The following CASD1 variants were observed in gnomAD, a reference collection of about 807,000 sequenced individuals.
The protein encoded by CASD1 is N-acetylneuraminate (7)9-O-acetyltransferase.
Under a neutral mutation model 100.0 loss-of-function variants are expected in CASD1, and 41 were observed. That is an observed-to-expected ratio of 0.41 (90% CI 0.32 to 0.53). The LOEUF (loss-of-function observed/expected upper bound fraction) is 0.53, where lower values mean the gene tolerates loss of function less well. Among genes scored for constraint, CASD1 ranks in the 20% least tolerant of loss-of-function variants. The pLI is 0.25. For missense variants in CASD1, 774 were observed against 948.7 expected (o/e 0.82, Z 2.42); for synonymous variants, 321 against 315.6 (o/e 1.02, Z -0.18).
chr7:94,575,135 TGTTAA>T, the CASD1 span, among the ~76,000 whole-genome samples: 1 of 152,232 alleles, frequency 6.6e-6, no homozygotes, highest in Admixed American at 6.5e-5. Flanking sequence ...TCAGTTGTCA[TGTTAA>T]GTTGTTAATT....
the CASD1 span, chr7:94,617,977 T>G: frequency 6.6e-6 from 1 of 152,324 alleles, no homozygotes; most frequent in Middle Eastern, 3.4e-3. Flanking sequence ...TTCCACAGAC[T>G]ATACTTTTAT....
chr7:94,553,450 C>G (rs764147014), intron 16 of CASD1, among the ~76,000 whole-genome samples: 2 of 152,088 alleles, frequency 1.3e-5, no homozygotes, highest in Non-Finnish European at 2.9e-5. Flanking sequence ...GTTCCTTTTT[C>G]CCATATTATC....
At chr7:94,582,316 C>T in the CASD1 span, among the ~76,000 whole-genome samples, 2 of 152,136 alleles carry the variant, frequency 1.3e-5, no homozygotes, top group Non-Finnish European at 2.9e-5. Context: ...TGGGGTTTTA[C>T]CATGTCGGCC....
the CASD1 span, among the ~76,000 whole-genome samples, chr7:94,595,820 G>C: frequency 6.6e-6 from 1 of 151,950 alleles, no homozygotes; most frequent in South Asian, 2.1e-4. Flanking sequence ...TGGCTTATAG[G>C]GAGTTACCAT....
At chr7:94,525,856 C>T (rs1794539381) in intron 3 of CASD1, among the ~76,000 whole-genome samples, 1 of 152,170 alleles carries the variant, frequency 6.6e-6, no homozygotes, top group Admixed American at 6.5e-5. Flanking sequence ...AGTATAAATA[C>T]TATTTGTCTG....
At chr7:94,519,698 G>A (rs1264419396) in intron 3 of CASD1, among the ~76,000 whole-genome samples, 1 of 151,888 alleles carries the variant, frequency 6.6e-6, no homozygotes, top group African/African-American at 2.4e-5. Context: ...ATAGAGACGA[G>A]GTCTCACTAT....
chr7:94,510,300 A>C, intron 1 of CASD1, 83 bp downstream of exon 1: 6 of 1,048,380 alleles, frequency 5.7e-6, no homozygotes, highest in Non-Finnish European at 7.6e-6. Context: ...ATCGCCCAAC[A>C]CACGCCCACG....
chr7:94,574,595 T>A, the CASD1 span, among the ~76,000 whole-genome samples: 1 of 152,054 alleles, frequency 6.6e-6, no homozygotes, highest in African/African-American at 2.4e-5. Flanking sequence ...CATTTCTGAT[T>A]GTTTTATTTG....
At chr7:94,514,720 A>G (rs1793886557) in intron 1 of CASD1, among the ~76,000 whole-genome samples, 1 of 152,154 alleles carries the variant, frequency 6.6e-6, no homozygotes, top group Non-Finnish European at 1.5e-5. Flanking sequence ...CCATTCATCC[A>G]GATAATCTTG....
chr7:94,567,805 A>G, the CASD1 span, among the ~76,000 whole-genome samples: 8 of 152,220 alleles, frequency 5.3e-5, no homozygotes, highest in African/African-American at 1.9e-4. Context: ...TTTTTCCTCT[A>G]CAATTCCTCA....
the CASD1 span, among the ~76,000 whole-genome samples, chr7:94,633,725 C>T: frequency 4.6e-5 from 7 of 152,094 alleles, no homozygotes; most frequent in Admixed American, 6.6e-5. Context: ...TGGGTGTGCA[C>T]GTGTGCTTAT....
Position 94,555,804 on chromosome 7 carries a change from G to T in CASD1, c.*46G>T. 6.4e-7 allele frequency: 1 copy of T among 1,559,058 alleles called. No homozygotes were observed. Among genetic ancestry groups the T allele is most frequent in the Non-Finnish European group, 8.7e-7 (1 of 1,150,746 alleles). On this transcript the variant is annotated 3_prime_UTR_variant, in exon 18 of 18. Coordinates refer to ENST00000297273, the MANE Select transcript of CASD1 (RefSeq NM_022900.5). ...CCTAAACTCTTCAGGCTACCTTTGT[G>T]TGTCTCTAGAAGAGAAAAGCATCTA...
the CASD1 span, among the ~76,000 whole-genome samples, chr7:94,611,586 CTG>C: frequency 2.6e-5 from 4 of 152,198 alleles, no homozygotes; most frequent in East Asian, 1.9e-4. Flanking sequence ...GATTGCATGA[CTG>C]TGAATTTACT....
chr7:94,537,925 A>C, intron 9 of CASD1, 31 bp downstream of exon 9: 1 of 1,220,622 alleles, frequency 8.2e-7, no homozygotes, highest in Non-Finnish European at 1.2e-6. Flanking sequence ...AACTCATGTT[A>C]CCCTTCTTGT....
intron 1 of CASD1, among the ~76,000 whole-genome samples, chr7:94,512,892 C>G (rs1428497588): frequency 2.6e-5 from 4 of 152,162 alleles, no homozygotes; most frequent in African/African-American, 9.7e-5. Flanking sequence ...CCTAAGGATA[C>G]ACAGTGACTG....
chr7:94,511,063 G>A (rs765517573), intron 1 of CASD1, among the ~76,000 whole-genome samples: 17 of 152,174 alleles, frequency 1.1e-4, no homozygotes, highest in Non-Finnish European at 2.5e-4. Context: ...AGTAATCAAG[G>A]GATATTTACT....
At chr7:94,511,935 A>G (rs886327261) in intron 1 of CASD1, among the ~76,000 whole-genome samples, 1 of 152,228 alleles carries the variant, frequency 6.6e-6, no homozygotes, top group Non-Finnish European at 1.5e-5. Context: ...TCCAGAAGTA[A>G]GTCATCAGTT....
chr7:94,531,787 T>A (rs1794864452), intron 5 of CASD1, among the ~76,000 whole-genome samples: 1 of 152,138 alleles, frequency 6.6e-6, no homozygotes, highest in African/African-American at 2.4e-5. Context: ...TTTTAATTGT[T>A]TCTTGTGTGT....
At chr7:94,598,817 T>C in the CASD1 span, 1 of 1,613,378 alleles carries the variant, frequency 6.2e-7, no homozygotes, top group Non-Finnish European at 8.5e-7. Context: ...ATCATAGTTG[T>C]CTGTGTGTAA....
Sources: gnomAD v4.1 joint callset for allele counts (sites outside exome capture counted in the v4.1 genomes callset) on GRCh38, gnomAD v4.1.1 for gene constraint, MANE v1.5 for transcripts, NCBI Gene and HGNC (gene_info 2026-07-23, HGNC 2026-07-21) for gene names.